Variants in HSD17B7 observed in about 807,000 individuals in gnomAD.
HSD17B7 encodes 3-keto-steroid reductase/17-beta-hydroxysteroid dehydrogenase 7.
Under a neutral mutation model 34.1 loss-of-function variants are expected in HSD17B7, and 17 were observed. The ratio of observed to expected loss-of-function variants is 0.50; its 90% CI spans 0.34 to 0.75. The LOEUF (loss-of-function observed/expected upper bound fraction) is 0.75. Among genes scored for constraint, HSD17B7 ranks in the 30% least tolerant of loss-of-function variants. The pLI is 0.01. For missense variants in HSD17B7, 296 were observed against 406.6 expected, an observed-to-expected ratio of 0.73 and a Z score of 2.34; for synonymous variants, 122 against 154.6, an observed-to-expected ratio of 0.79 and a Z score of 1.56.
At chr1:162,801,301 G>C (rs931110828) in intron 5 of HSD17B7, among the ~76,000 whole-genome samples, 4 of 152,136 alleles carry the variant, frequency 2.6e-5, no homozygotes, top group African/African-American at 9.7e-5. Context: ...GAAGCTAAGA[G>C]CATACTTTCG....
At chr1:162,811,686 A>C (rs1393292567) in intron 8 of HSD17B7, among the ~76,000 whole-genome samples, 1 of 152,258 alleles carries the variant, frequency 6.6e-6, no homozygotes, top group Non-Finnish European at 1.5e-5. Context: ...AGTTCCTTGC[A>C]ATCACCACCT....
intron 1 of HSD17B7, 71 bp from the exon 2 acceptor site, chr1:162,792,588 A>G: frequency 6.5e-7 from 1 of 1,543,952 alleles, no homozygotes; most frequent in Non-Finnish European, 8.8e-7. Flanking sequence ...AGTTTTCTGA[A>G]CCAGAGAGAA....
rs1412270695 is a variant in HSD17B7 at position 162,812,464 on chromosome 1, C to G, written c.*44C>G. ...CCAAGGCAGAAGGATCACTTGAGAC[C>G]AGGAGTTCAAGACCAGCCTGAGAAA... On this transcript the variant is annotated 3_prime_UTR_variant, in exon 9 of 9. Transcript: ENST00000254521. 1 of 1,547,288 alleles carries G rather than the reference C, an allele frequency of 6.5e-7. No individual in the cohort carries two copies. The highest frequency in any genetic ancestry group is 8.8e-7 in the Non-Finnish European group (1 of 1,138,802).
chr1:162,809,727 C>A (rs1649110961), intron 8 of HSD17B7, among the ~76,000 whole-genome samples: 1 of 152,076 alleles, frequency 6.6e-6, no homozygotes, highest in East Asian at 1.9e-4. Flanking sequence ...TTATCCATTT[C>A]TTCTAGATTT....
intron 7 of HSD17B7, among the ~76,000 whole-genome samples, chr1:162,805,023 A>G (rs1482234265): frequency 6.6e-6 from 1 of 152,216 alleles, no homozygotes; most frequent in Non-Finnish European, 1.5e-5. Context: ...GAACTCCTTC[A>G]GGATTTTTGC....
At chr1:162,791,700 G>C (rs1020563201) in intron 1 of HSD17B7, among the ~76,000 whole-genome samples, 6 of 150,008 alleles carry the variant, frequency 4.0e-5, no homozygotes, top group African/African-American at 1.5e-4. Flanking sequence ...TTATGTGGAA[G>C]GTACTGAGTA....
rs751912398 is a variant in HSD17B7, at chr1:162,799,840, A to C, written c.545A>C (p.Glu182Ala). The C allele has an allele frequency of 5.6e-6, 9 of 1,614,056 alleles. No individual in the cohort carries two copies. In the South Asian group the frequency reaches 9.9e-5, roughly 18 times the overall value. The change falls in exon 5 of 9, where the codon GAG becomes GCG. Residue 182 changes from glutamate to alanine, a missense_variant. Transcript: ENST00000254521. ...RSARKSNFSL[E>A]DFQHSKGKEP... is the part of the protein sequence containing the mutation. ...GCAAGGAAATCTAATTTCAGCCTCG[A>C]GGACTTCCAGCACAGCAAAGGCAAG...
At chr1:162,794,011 G>A (rs1648510306) in intron 2 of HSD17B7, among the ~76,000 whole-genome samples, 1 of 152,232 alleles carries the variant, frequency 6.6e-6, no homozygotes, top group African/African-American at 2.4e-5. Flanking sequence ...TCCCCTGAAA[G>A]TGAACACAAA....
Position 162,799,938 on chromosome 1 carries a change from G to T in HSD17B7, c.642+1G>T. The T allele has an allele frequency of 1.2e-6, 2 of 1,613,754 alleles. No individual in the cohort carries two copies. Among genetic ancestry groups the T allele is most frequent in the Non-Finnish European group, 1.7e-6 (2 of 1,179,722 alleles). ...TTTGAACAGGAACTTCAACCAGCAG[G>T]TAAGGCCTGTCTCAGTGATACGGAA... is the stretch of plus-strand genomic sequence containing the variant. On this transcript the variant is annotated splice_donor_variant, in intron 5 of 8. Transcript: ENST00000254521. LOFTEE classifies it high-confidence loss of function.
At chr1:162,808,768 TTGTC>T (rs1244701853) in intron 8 of HSD17B7, among the ~76,000 whole-genome samples, 7 of 148,536 alleles carry the variant, frequency 4.7e-5, no homozygotes, top group African/African-American at 1.6e-4. Context: ...GGCTCTCTGT[TTGTC>T]TGTTATTGGT....
rs1648367306 is a variant in HSD17B7 at position 162,790,727 on chromosome 1, C to T, written c.-74C>T. On this transcript the variant is annotated 5_prime_UTR_variant, in exon 1 of 9. Transcript: ENST00000254521. ...GTACTCTGATTGGTGACGGGTGAGG[C>T]GGCCCGAAATCGTAGGACTTCCGAA... The T allele has an allele frequency of 3.6e-5, 35 of 967,084 alleles. No individual in the cohort carries two copies. The highest frequency in any genetic ancestry group is 7.0e-5 in the South Asian group (5 of 71,914). The allele number at this position is 967,084 out of a possible 1,614,324, so 59.9% of individuals were successfully genotyped here.
Position 162,803,555 on chromosome 1 carries a change from C to CT in HSD17B7, c.747+24dup, listed in dbSNP as rs1648887178. The CT allele has an allele frequency of 6.2e-7, 1 of 1,607,114 alleles. No individual in the cohort carries two copies. The highest frequency in any genetic ancestry group is 8.5e-7 in the Non-Finnish European group (1 of 1,174,774). ...TTGCTAGTAAGTGATGAATATACTT[C>CT]TTTTCTTAACTCATAAAAATCTCTT... On this transcript the variant is annotated intron_variant, in intron 6 of 8. Coordinates refer to ENST00000254521, the MANE Select transcript of HSD17B7 (RefSeq NM_016371.4).
chr1:162,810,930 A>C (rs1169929434), intron 8 of HSD17B7, among the ~76,000 whole-genome samples: 1 of 149,706 alleles, frequency 6.7e-6, no homozygotes, highest in African/African-American at 2.5e-5. Flanking sequence ...TTTTAGTTGG[A>C]TCATTTAGCC....
intron 8 of HSD17B7, among the ~76,000 whole-genome samples, chr1:162,810,381 A>G (rs1649136079): frequency 6.6e-6 from 1 of 152,168 alleles, no homozygotes; most frequent in Non-Finnish European, 1.5e-5. Flanking sequence ...TATGTGGTCA[A>G]TTTTGGAATA....
At chr1:162,790,857 C>T in intron 1 of HSD17B7, 22 bp downstream of exon 1, 1 of 1,612,226 alleles carries the variant, frequency 6.2e-7, no homozygotes. Flanking sequence ...TTTGGGTTGG[C>T]AGAGGCGGCA....
intron 2 of HSD17B7, chr1:162,793,191 T>A (rs1383716969): frequency 8.9e-6 from 2 of 225,160 alleles, no homozygotes; most frequent in Non-Finnish European, 1.8e-5. Flanking sequence ...TGCGCCACCA[T>A]GCCTGGTTAA....
chr1:162,792,959 T>C, intron 2 of HSD17B7, 97 bp downstream of exon 2: 1 of 1,220,080 alleles, frequency 8.2e-7, no homozygotes, highest in Admixed American at 1.9e-5. Context: ...AAGAAACAGG[T>C]GCGGTGTAAG....
rs181183638 is a variant in HSD17B7 at position 162,792,800 on chromosome 1, T to C, written c.177T>C (p.Ile59=). The C allele has an allele frequency of 1.2e-6, 2 of 1,614,224 alleles. No homozygotes were observed. Among genetic ancestry groups the C allele is most frequent in the South Asian group, 1.1e-5 (1 of 91,084 alleles). ...CTCACCCCACTGCTGAGGTCACCAT[T>C]GTCCAGGTGGATGTCAGCAACCTGC... The part of the protein sequence containing the change: ...LASHPTAEVT[I]VQVDVSNLQS... Residue 59 remains isoleucine, a synonymous_variant, in exon 2 of 9, where the codon ATT becomes ATC. Coordinates refer to ENST00000254521, the MANE Select transcript of HSD17B7 (RefSeq NM_016371.4).
At chr1:162,798,256 C>A in intron 4 of HSD17B7, 1 of 226,372 alleles carries the variant, frequency 4.4e-6, no homozygotes, top group Non-Finnish European at 8.4e-6. Context: ...AATTCTGCTA[C>A]ATTATTATTA....
Sources: allele counts gnomAD v4.1 joint callset (sites outside exome capture counted in the v4.1 genomes callset), GRCh38; gene constraint gnomAD v4.1.1; transcripts MANE v1.5; gene names NCBI Gene and HGNC (gene_info 2026-07-23, HGNC 2026-07-21).